Variants in SKAP2 observed in about 807,000 individuals in gnomAD.
SKAP2 encodes src kinase associated phosphoprotein 2, also known as src kinase-associated phosphoprotein 2.
SKAP2 carries 28 observed loss-of-function variants against 54.9 expected under a neutral mutation model. The observed-to-expected ratio is 0.51, with a 90% CI of 0.38 to 0.70. The LOEUF is 0.70. Ranked by LOEUF, SKAP2 falls within the 30% of genes least tolerant of loss-of-function variation. The pLI, the probability that SKAP2 is intolerant of heterozygous loss-of-function variation, is 0.00. For missense variants in SKAP2, 356 were observed against 424.1 expected (o/e 0.84, Z 1.41); for synonymous variants, 137 against 134.3 (o/e 1.02, Z -0.14).
At chr7:26,770,996 G>A (rs902880313) in intron 4 of SKAP2, among the ~76,000 whole-genome samples, 2 of 151,946 alleles carry the variant, frequency 1.3e-5, no homozygotes, top group Non-Finnish European at 2.9e-5. Context: ...GTTTAGATAA[G>A]TCTTACTTAA....
rs530315619 is a variant in SKAP2 at position 26,831,883 on chromosome 7, C to G, written c.307+12147G>C. Among the ~76,000 whole-genome samples, 49 of 152,230 alleles carry G rather than the reference C, an allele frequency of 3.2e-4. No homozygotes were observed. The South Asian group carries it at 7.2e-3, about 23-fold the overall frequency. On this transcript the variant is annotated intron_variant, in intron 4 of 12. Transcript: ENST00000345317. ...AAAACTTTTCACATGCCACCCTTGT[C>G]AATCCTCATCTCCCATTCTCCAACC...
chr7:26,852,854 A>T (rs1308282936), intron 3 of SKAP2, among the ~76,000 whole-genome samples: 1 of 152,288 alleles, frequency 6.6e-6, no homozygotes, highest in East Asian at 1.9e-4. Context: ...CTTTTAAGAG[A>T]GGCAGAATCT....
intron 4 of SKAP2, among the ~76,000 whole-genome samples, chr7:26,775,740 A>G (rs976902462): frequency 2.0e-5 from 3 of 152,090 alleles, no homozygotes; most frequent in Non-Finnish European, 4.4e-5. Context: ...CTCCATTTCC[A>G]TAATTTTGTC....
intron 4 of SKAP2, among the ~76,000 whole-genome samples, chr7:26,806,401 TAAAC>T (rs1244239525): frequency 2.6e-5 from 4 of 151,992 alleles, no homozygotes; most frequent in African/African-American, 7.2e-5. Context: ...AATCAATAAA[TAAAC>T]AAATCAATAT....
chr7:26,815,760 A>T (rs1041660560), intron 4 of SKAP2, among the ~76,000 whole-genome samples: 33 of 152,134 alleles, frequency 2.2e-4, no homozygotes, highest in African/African-American at 7.2e-4. Flanking sequence ...TAAATACCAC[A>T]TCAGTAAATT....
intron 4 of SKAP2, among the ~76,000 whole-genome samples, chr7:26,772,629 A>AG (rs1157570162): frequency 4.6e-5 from 7 of 152,236 alleles, no homozygotes; most frequent in Admixed American, 4.6e-4. Context: ...TCCACTGTTG[A>AG]GGGGCATCTA....
At chr7:26,805,654 G>A (rs543513440) in intron 4 of SKAP2, among the ~76,000 whole-genome samples, 3 of 152,328 alleles carry the variant, frequency 2.0e-5, no homozygotes, top group East Asian at 1.9e-4. Flanking sequence ...CCATGTGAGT[G>A]AGCCTCCCTG....
chr7:26,783,579 A>G (rs1362376247), intron 4 of SKAP2, among the ~76,000 whole-genome samples: 1 of 152,092 alleles, frequency 6.6e-6, no homozygotes, highest in Non-Finnish European at 1.5e-5. Flanking sequence ...CTCCCTCTGG[A>G]TTGGAAATCC....
intron 4 of SKAP2, among the ~76,000 whole-genome samples, chr7:26,772,250 T>G (rs1025256749): frequency 2.0e-5 from 3 of 152,194 alleles, no homozygotes; most frequent in Non-Finnish European, 4.4e-5. Context: ...TATTTTAGGT[T>G]CGGGGGTACA....
chr7:26,835,739 C>T (rs1784693791), intron 4 of SKAP2, among the ~76,000 whole-genome samples: 1 of 152,084 alleles, frequency 6.6e-6, no homozygotes, highest in Non-Finnish European at 1.5e-5. Flanking sequence ...TAGGAAGAAT[C>T]AATATCATGA....
At chr7:26,817,777 T>C (rs962149175) in intron 4 of SKAP2, among the ~76,000 whole-genome samples, 1 of 152,108 alleles carries the variant, frequency 6.6e-6, no homozygotes, top group South Asian at 2.1e-4. Context: ...ATCACAAGCA[T>C]TCCTATACAC....
intron 3 of SKAP2, among the ~76,000 whole-genome samples, chr7:26,844,821 T>C (rs1784891263): frequency 6.6e-6 from 1 of 152,180 alleles, no homozygotes; most frequent in African/African-American, 2.4e-5. Context: ...GGTATGTTAT[T>C]ACTTTTTAAT....
rs1782698996 is a variant in SKAP2 at position 26,752,106 on chromosome 7, G to A, written c.308-12142C>T. Among the ~76,000 whole-genome samples the A allele has an allele frequency of 3.3e-5, 5 of 152,122 alleles. No individual in the cohort carries two copies. The South Asian group carries it at 1.0e-3, about 31-fold the overall frequency. ...AATTAGAAGTCAGGGTGGAACAGAAGACAACTTGGAACTACAAAGTCATTT... is the reference window on the plus strand; with the variant it reads ...AATTAGAAGTCAGGGTGGAACAGAAAACAACTTGGAACTACAAAGTCATTT... On this transcript the variant is annotated intron_variant, in intron 4 of 12. Coordinates refer to ENST00000345317, the MANE Select transcript of SKAP2 (RefSeq NM_003930.5).
chr7:26,753,091 T>C (rs1782720032), intron 4 of SKAP2, among the ~76,000 whole-genome samples: 1 of 152,212 alleles, frequency 6.6e-6, no homozygotes, highest in Non-Finnish European at 1.5e-5. Context: ...TTCTTCTTAC[T>C]ATGGAAATAA....
chr7:26,700,220 A>G (rs1786992371), intron 9 of SKAP2, among the ~76,000 whole-genome samples: 1 of 152,206 alleles, frequency 6.6e-6, no homozygotes, highest in Non-Finnish European at 1.5e-5. Context: ...CTCTATATCT[A>G]TAAAGATTTC....
At chr7:26,808,602 G>A (rs1284238964) in intron 4 of SKAP2, among the ~76,000 whole-genome samples, 1 of 152,000 alleles carries the variant, frequency 6.6e-6, no homozygotes, top group Non-Finnish European at 1.5e-5. Flanking sequence ...ATACTTAAAA[G>A]TGGTTAAAAT....
chr7:26,830,501 T>C (rs1163455805), intron 4 of SKAP2, among the ~76,000 whole-genome samples: 1 of 152,150 alleles, frequency 6.6e-6, no homozygotes, highest in Non-Finnish European at 1.5e-5. Context: ...CAAAATGATC[T>C]CTTTTAACTC....
intron 4 of SKAP2, among the ~76,000 whole-genome samples, chr7:26,748,622 A>AT (rs1355633804): frequency 6.6e-6 from 1 of 152,154 alleles, no homozygotes; most frequent in African/African-American, 2.4e-5. Flanking sequence ...ATTCTGAAAA[A>AT]TAATAGCCTT....
chr7:26,705,671 G>A (rs894125638), intron 9 of SKAP2, among the ~76,000 whole-genome samples: 3 of 152,146 alleles, frequency 2.0e-5, no homozygotes, highest in Admixed American at 2.0e-4. Context: ...AATTATCTCA[G>A]TATAGTTCAA....
Sources: allele counts gnomAD v4.1 joint callset (sites outside exome capture counted in the v4.1 genomes callset), GRCh38; gene constraint gnomAD v4.1.1; transcripts MANE v1.5; gene names NCBI Gene and HGNC (gene_info 2026-07-23, HGNC 2026-07-21).